The following KLHL20 variants were observed in gnomAD, a reference collection of about 807,000 sequenced individuals.
The protein encoded by KLHL20 is kelch like family member 20.
In KLHL20, 29 loss-of-function variants were observed where a neutral mutation model predicts 69.5. That is an observed-to-expected ratio of 0.42 (90% CI 0.31 to 0.57). The LOEUF (loss-of-function observed/expected upper bound fraction) is 0.57. Among genes scored for constraint, KLHL20 ranks in the 20% least tolerant of loss-of-function variants. The pLI, the probability that KLHL20 is intolerant of heterozygous loss-of-function variation, is 0.18. For missense variants in KLHL20, 419 were observed against 776.0 expected (o/e 0.54, Z 5.47); for synonymous variants, 253 against 265.2 (o/e 0.95, Z 0.45).
At chr1:173,729,428 A>C (rs1004960734) in intron 2 of KLHL20, among the ~76,000 whole-genome samples, 3 of 152,180 alleles carry the variant, frequency 2.0e-5, no homozygotes, top group Non-Finnish European at 4.4e-5. Context: ...CAAAAAAGAG[A>C]ATTTTAGACC....
At chr1:173,745,307 C>T (rs914641051) in intron 3 of KLHL20, among the ~76,000 whole-genome samples, 2 of 150,852 alleles carry the variant, frequency 1.3e-5, no homozygotes, top group Non-Finnish European at 3.0e-5. Flanking sequence ...AGATTACAGG[C>T]GTGCACCACC....
chr1:173,742,477 A>C lies in KLHL20; in HGVS notation c.597+8191A>C, dbSNP rs535800747. Among the ~76,000 whole-genome samples the C allele has an allele frequency of 2.6e-5, 4 of 152,104 alleles. 1 individual carries two copies. Among genetic ancestry groups the C allele is most frequent in the African/African-American group, 9.6e-5 (4 of 41,536 alleles). On this transcript the variant is annotated intron_variant, in intron 3 of 11. Coordinates refer to ENST00000209884, the MANE Select transcript of KLHL20 (RefSeq NM_014458.4). ...GGGAGAGAGAAGAAAAAAGCCCTAAAATTTTTCCAATATTGAGGGATAAGT... is the reference window on the plus strand; with the variant it reads ...GGGAGAGAGAAGAAAAAAGCCCTAACATTTTTCCAATATTGAGGGATAAGT...
intron 10 of KLHL20, among the ~76,000 whole-genome samples, chr1:173,778,320 G>T (rs546716822): frequency 2.2e-4 from 32 of 148,450 alleles, no homozygotes; most frequent in Non-Finnish European, 3.3e-4. Flanking sequence ...TTACAGCTTT[G>T]ATCTCATTAC....
chr1:173,736,732 A>G (rs929009551), intron 3 of KLHL20, among the ~76,000 whole-genome samples: 17 of 151,764 alleles, frequency 1.1e-4, no homozygotes, highest in African/African-American at 3.9e-4. Flanking sequence ...AGTAGCTGGG[A>G]TTACAGGGAT....
chr1:173,748,256 G>T (rs1673159544), intron 3 of KLHL20, among the ~76,000 whole-genome samples: 3 of 152,074 alleles, frequency 2.0e-5, no homozygotes, highest in Non-Finnish European at 4.4e-5. Context: ...CCTATGCAAA[G>T]TCTTTCAGAA....
chr1:173,721,421 A>T (rs1263365046), intron 2 of KLHL20, among the ~76,000 whole-genome samples: 1 of 152,230 alleles, frequency 6.6e-6, no homozygotes, highest in Non-Finnish European at 1.5e-5. Flanking sequence ...TACTATAGAC[A>T]CTAGAAAATT....
intron 8 of KLHL20, among the ~76,000 whole-genome samples, chr1:173,770,658 C>A (rs1648027369): frequency 7.6e-6 from 1 of 132,276 alleles, no homozygotes; most frequent in African/African-American, 3.0e-5. Flanking sequence ...CCACCCTGGG[C>A]ATCAAGAGCA....
intron 3 of KLHL20, among the ~76,000 whole-genome samples, chr1:173,738,672 T>C (rs1030705297): frequency 2.6e-5 from 4 of 152,238 alleles, no homozygotes; most frequent in African/African-American, 7.2e-5. Flanking sequence ...GTCCCTTCTA[T>C]GCCGATTTTC....
intron 6 of KLHL20, 84 bp downstream of exon 6, chr1:173,756,122 G>T (rs753018693): frequency 9.9e-5 from 91 of 918,762 alleles, no homozygotes; most frequent in Non-Finnish European, 1.5e-4. Flanking sequence ...GGACAATTAT[G>T]ATATTTACTG....
Position 173,753,223 on chromosome 1 carries a change from A to G in KLHL20, c.767A>G (p.His256Arg), listed in dbSNP as rs760854070. Reference protein sequence around the residue: ...RRPQLPQVLQHVRLPLLSPKF... With the variant: ...RRPQLPQVLQRVRLPLLSPKF... ...TTTATTTTCTCATAGGTGCTGCAGC[A>G]TGTTCGTTTGCCTTTGCTTAGTCCC... Residue 256 changes from histidine to arginine, a missense_variant, in exon 5 of 12, where the codon CAT (histidine) becomes CGT (arginine). His to Arg is a conservative substitution (Grantham distance 29). This residue lies in a region of KLHL20 where 99 missense variants were observed against 240.7 expected (regional missense o/e 0.41). Coordinates refer to ENST00000209884, the MANE Select transcript of KLHL20 (RefSeq NM_014458.4). The G allele has an allele frequency of 2.5e-6, 4 of 1,613,460 alleles. No individual in the cohort carries two copies. The highest frequency in any genetic ancestry group is 1.7e-5 in the Admixed American group (1 of 59,976).
intron 5 of KLHL20, among the ~76,000 whole-genome samples, chr1:173,754,858 T>C (rs1673470826): frequency 1.3e-5 from 2 of 152,174 alleles, no homozygotes; most frequent in Non-Finnish European, 2.9e-5. Flanking sequence ...AGGATGATAA[T>C]AGTGCCTATT....
Position 173,755,970 on chromosome 1 carries a change from GA to G in KLHL20, c.900del (p.Pro301HisfsTer2), listed in dbSNP as rs756151536. On this transcript the variant is annotated frameshift_variant, in exon 6 of 12. Coordinates refer to ENST00000209884, the MANE Select transcript of KLHL20 (RefSeq NM_014458.4). LOFTEE classifies it high-confidence loss of function. ...AACTACCTCCTATTGCCGCAAGAAC[GA>G]CCACTAATGCAAGGACCAAGGACGA... ...AKNYLLLPQERPLMQGPRTRP... is the reference protein window; with the variant it reads ...AKNYLLLPQEXPLMQGPRTRP... 1.2e-6 allele frequency: 2 copies of G among 1,613,976 alleles called. No homozygotes were observed. The highest frequency in any genetic ancestry group is 1.7e-6 in the Non-Finnish European group (2 of 1,179,966).
At chr1:173,782,987 G>C (rs1386399931) in intron 11 of KLHL20, among the ~76,000 whole-genome samples, 1 of 152,114 alleles carries the variant, frequency 6.6e-6, no homozygotes, top group Non-Finnish European at 1.5e-5. Context: ...AATCACAAGA[G>C]TAATCTTATA....
intron 2 of KLHL20, among the ~76,000 whole-genome samples, chr1:173,723,322 T>A (rs1008625758): frequency 6.6e-6 from 1 of 152,238 alleles, no homozygotes; most frequent in Middle Eastern, 3.2e-3. Flanking sequence ...ATGGTAAAAA[T>A]TATTCTTTAA....
In KLHL20 at chr1:173,780,187, A is replaced by G. The variant is rs1243931837; in HGVS notation, c.1639-1937A>G. On this transcript the variant is annotated intron_variant, in intron 10 of 11. Transcript: ENST00000209884. ...TGGCTTTTTATTACTGACAACTAAC[A>G]ACATCTTAGTCACATTCCTGTTAAG... Among the ~76,000 whole-genome samples, 4 of 152,248 alleles carry G rather than the reference A, an allele frequency of 2.6e-5. No homozygotes were observed. The East Asian group carries it at 7.7e-4, about 29-fold the overall frequency.
intron 5 of KLHL20, among the ~76,000 whole-genome samples, chr1:173,754,379 G>C (rs886860302): frequency 6.6e-6 from 1 of 152,060 alleles, no homozygotes; most frequent in African/African-American, 2.4e-5. Context: ...CTGAGGTCAG[G>C]AGTTCGAGAC....
At chr1:173,767,608 G>T (rs961616780) in intron 8 of KLHL20, among the ~76,000 whole-genome samples, 1 of 152,022 alleles carries the variant, frequency 6.6e-6, no homozygotes, top group Non-Finnish European at 1.5e-5. Context: ...GTATTTCATT[G>T]TGATTTTAAT....
chr1:173,774,504 C>T, intron 9 of KLHL20, 66 bp downstream of exon 9: 1 of 1,568,726 alleles, frequency 6.4e-7, no homozygotes, highest in Non-Finnish European at 8.8e-7. Context: ...AGTCCTCCTA[C>T]AAAACGTGTA....
At chr1:173,730,624 A>G (rs1203816528) in intron 2 of KLHL20, among the ~76,000 whole-genome samples, 12 of 152,222 alleles carry the variant, frequency 7.9e-5, no homozygotes, top group Non-Finnish European at 1.6e-4. Flanking sequence ...TGGGGAAAGG[A>G]TTCCCTATTT....
Sources: gnomAD v4.1 joint callset for allele counts (sites outside exome capture counted in the v4.1 genomes callset) on GRCh38, gnomAD v4.1.1 for gene constraint, gnomAD v4.1.1 regional missense constraint, MANE v1.5 for transcripts, NCBI Gene and HGNC (gene_info 2026-07-23, HGNC 2026-07-21) for gene names.